DPPA2: variants seen among roughly 807,000 people sequenced by gnomAD.
DPPA2 encodes the protein developmental pluripotency associated 2, also known as developmental pluripotency-associated protein 2.
Under a neutral mutation model 36.2 loss-of-function variants are expected in DPPA2, and 26 were observed. That is an observed-to-expected ratio of 0.72 (90% CI 0.53 to 1.00). The LOEUF (loss-of-function observed/expected upper bound fraction) is 1.00. DPPA2 is among the 50% of genes least tolerant of loss of function. The pLI is 0.00. For missense variants in DPPA2, 361 were observed against 365.1 expected (o/e 0.99, Z 0.09); for synonymous variants, 113 against 123.2 (o/e 0.92, Z 0.55).
At chr3:109,300,822 A>T (rs4855589) in intron 7 of DPPA2, among the ~76,000 whole-genome samples, 1 of 2,422 alleles carries the variant, frequency 4.1e-4, no homozygotes, top group Non-Finnish European at 3.7e-3. Context: ...ACTCAGTCTC[A>T]AAAAAAAAAA....
chr3:109,300,520 A>T, intron 7 of DPPA2, 85 bp from the exon 8 acceptor site: 1 of 1,350,740 alleles, frequency 7.4e-7, no homozygotes, highest in Non-Finnish European at 1.1e-6. Context: ...ATGACCAATA[A>T]AATAAAGCAT....
intron 3 of DPPA2, among the ~76,000 whole-genome samples, 159 bp downstream of exon 3, chr3:109,312,386 G>A (rs1181621364): frequency 1.3e-5 from 2 of 152,094 alleles, no homozygotes; most frequent in Non-Finnish European, 2.9e-5. Context: ...CTTAGCAAGC[G>A]AGAAGTATGA....
intron 6 of DPPA2, among the ~76,000 whole-genome samples, chr3:109,305,594 GCGAAACCC>G (rs1707544141): frequency 6.6e-6 from 1 of 152,024 alleles, no homozygotes; most frequent in Non-Finnish European, 1.5e-5. Flanking sequence ...GACCAACATG[GCGAAACCC>G]CATCTCTACT....
At chr3:109,308,733 A>G (rs1283564899) in intron 5 of DPPA2, among the ~76,000 whole-genome samples, 1 of 152,162 alleles carries the variant, frequency 6.6e-6, no homozygotes, top group Admixed American at 6.6e-5. Context: ...ATTAGTTCCC[A>G]TAAACTGTAA....
chr3:109,306,957 C>A (rs1044761149), intron 6 of DPPA2, among the ~76,000 whole-genome samples: 2 of 151,600 alleles, frequency 1.3e-5, no homozygotes, highest in Non-Finnish European at 2.9e-5. Flanking sequence ...AAAGCGTGAG[C>A]CACTGTGCCC....
chr3:109,315,346 G>T (rs1457695452), intron 1 of DPPA2, among the ~76,000 whole-genome samples: 1 of 152,118 alleles, frequency 6.6e-6, no homozygotes, highest in East Asian at 1.9e-4. Context: ...CTTCGATCTA[G>T]TTCTAAATAC....
At chr3:109,313,585 A>G (rs1483794127) in intron 2 of DPPA2, among the ~76,000 whole-genome samples, 1 of 152,162 alleles carries the variant, frequency 6.6e-6, no homozygotes, top group Non-Finnish European at 1.5e-5. Context: ...TAATTTATTA[A>G]TTTTCCTGCT....
Position 109,304,669 on chromosome 3 carries a change from G to T in DPPA2, c.660C>A (p.Gly220=). The T allele has an allele frequency of 6.3e-7, 1 of 1,580,118 alleles. No homozygotes were observed. The highest frequency in any genetic ancestry group is 2.3e-5 in the East Asian group (1 of 43,928). Residue 220 remains glycine (G), a splice_region_variant and synonymous_variant, in exon 7 of 9, where the codon GGC becomes GGA. Coordinates refer to ENST00000478945, the MANE Select transcript of DPPA2 (RefSeq NM_138815.4). ...SVEAFLMQAS[G]VRWCVVHGRL... Reference sequence around the variant, plus strand: ...TGCCATGGACCACACACCACCTGACGCCTGGAAAGGAAAAACAAATATAGA... The same window carrying T: ...TGCCATGGACCACACACCACCTGACTCCTGGAAAGGAAAAACAAATATAGA...
Position 109,308,093 on chromosome 3 carries a change from A to C in DPPA2, c.597T>G (p.Pro199=). ...WARIAARAVQ[P]KALNSCSIPV... ...GAATGGAACATGAATTCAAAGCCTT[A>C]GGCTGAACAGCTCTTGCAGCAATTC... The change falls in exon 6 of 9, where the codon CCT becomes CCG. Residue 199 remains proline, a synonymous_variant. Coordinates refer to ENST00000478945, the MANE Select transcript of DPPA2 (RefSeq NM_138815.4). The C allele has an allele frequency of 5.6e-6, 9 of 1,614,252 alleles. No individual in the cohort carries two copies. The highest frequency in any genetic ancestry group is 7.6e-6 in the Non-Finnish European group (9 of 1,180,048).
At chr3:109,312,479 T>G (rs1707727596) in intron 3 of DPPA2, 66 bp downstream of exon 3, 1 of 1,538,854 alleles carries the variant, frequency 6.5e-7, no homozygotes, top group Non-Finnish European at 8.8e-7. Context: ...GAAAGACAAA[T>G]CTTACTTTTT....
intron 6 of DPPA2, among the ~76,000 whole-genome samples, chr3:109,306,839 G>A (rs924785130): frequency 6.6e-6 from 1 of 151,776 alleles, no homozygotes; most frequent in Non-Finnish European, 1.5e-5. Context: ...CAGGCATGGT[G>A]GCGCATGACT....
chr3:109,297,416 T>C (rs6805557), intron 8 of DPPA2, among the ~76,000 whole-genome samples: 146,352 of 151,956 alleles, frequency 0.96, 70,667 homozygotes, highest in East Asian at 1. Flanking sequence ...CCCAGCTACT[T>C]GGGAGGCAGA....
intron 7 of DPPA2, among the ~76,000 whole-genome samples, chr3:109,301,642 A>G (rs1451269346): frequency 6.7e-6 from 1 of 150,210 alleles, no homozygotes; most frequent in East Asian, 2.0e-4. Context: ...ACAGAGCCAG[A>G]CTCCATCTCA....
chr3:109,308,774 G>A (rs138120827), intron 5 of DPPA2, among the ~76,000 whole-genome samples: 8 of 152,336 alleles, frequency 5.3e-5, no homozygotes, highest in Middle Eastern at 6.8e-3. Flanking sequence ...TTGGGTTGTT[G>A]AAACTGTGCA....
chr3:109,299,309 G>A (rs1056335567), intron 8 of DPPA2, among the ~76,000 whole-genome samples: 4 of 152,022 alleles, frequency 2.6e-5, no homozygotes, highest in South Asian at 2.1e-4. Context: ...TTAGGAGTTC[G>A]AGACAAGCCT....
chr3:109,311,794 G>A (rs940092795), intron 3 of DPPA2, among the ~76,000 whole-genome samples: 3 of 151,984 alleles, frequency 2.0e-5, no homozygotes, highest in Non-Finnish European at 4.4e-5. Flanking sequence ...GCTTTTATAG[G>A]AAGCACTAAG....
chr3:109,311,291 A>C (rs1707705223), intron 3 of DPPA2, among the ~76,000 whole-genome samples: 1 of 152,158 alleles, frequency 6.6e-6, no homozygotes, highest in Non-Finnish European at 1.5e-5. Context: ...CACATTGTCT[A>C]TCCCCAATCA....
At chr3:109,315,629 A>T (rs1322341516) in intron 1 of DPPA2, among the ~76,000 whole-genome samples, 1 of 152,196 alleles carries the variant, frequency 6.6e-6, no homozygotes, top group Non-Finnish European at 1.5e-5. Flanking sequence ...GTACCTTTAC[A>T]ATGGGCTTTT....
Position 109,312,605 on chromosome 3 carries a change from C to G in DPPA2, c.121G>C (p.Glu41Gln). The G allele has an allele frequency of 6.2e-7, 1 of 1,613,838 alleles. No homozygotes were observed. The highest frequency in any genetic ancestry group is 1.1e-5 in the South Asian group (1 of 91,044). The change falls in exon 3 of 9, where the codon GAA becomes CAA. Residue 41 changes from glutamate to glutamine, a missense_variant. Coordinates refer to ENST00000478945, the MANE Select transcript of DPPA2 (RefSeq NM_138815.4). Reference protein sequence around the residue: ...VKDDANMEQMEPSVSSTSDVK... With the variant: ...VKDDANMEQMQPSVSSTSDVK... ...TCAGAAGTTGAAGAAACGCTTGGTT[C>G]CATTTGTTCCATATTTGCGTCATCT... is the stretch of plus-strand genomic sequence containing the variant.
Sources: gnomAD v4.1 joint callset for allele counts (sites outside exome capture counted in the v4.1 genomes callset) on GRCh38, gnomAD v4.1.1 for gene constraint, MANE v1.5 for transcripts, NCBI Gene and HGNC (gene_info 2026-07-23, HGNC 2026-07-21) for gene names.